FLRT1: variants seen among roughly 807,000 people sequenced by gnomAD.
FLRT1 encodes leucine-rich repeat transmembrane protein FLRT1.
FLRT1 carries 14 observed loss-of-function variants against 30.9 expected under a neutral mutation model. The observed-to-expected ratio is 0.45, with a 90% CI of 0.30 to 0.71. FLRT1 has a LOEUF of 0.71. Among genes scored for constraint, FLRT1 ranks in the 30% least tolerant of loss-of-function variants. The probability of loss-of-function intolerance (pLI) is 0.08; values close to 1 mark genes in which losing one functional copy is unlikely to be tolerated. For missense variants in FLRT1, 737 were observed against 949.2 expected (o/e 0.78, Z 2.94); for synonymous variants, 368 against 430.4 (o/e 0.85, Z 1.80).
At chr11:64,101,678 G>C (rs777964524) in intron 1 of FLRT1, among the ~76,000 whole-genome samples, 5 of 152,186 alleles carry the variant, frequency 3.3e-5, no homozygotes, top group African/African-American at 4.8e-5. Flanking sequence ...ATAAGGGCTC[G>C]TGCTAGAGCC....
chr11:64,079,345 C>A (rs929016216), intron 1 of FLRT1, among the ~76,000 whole-genome samples: 2 of 140,584 alleles, frequency 1.4e-5, no homozygotes, highest in African/African-American at 5.4e-5. Context: ...TGGGAGGTTA[C>A]GGTTAAAGGG....
intron 1 of FLRT1, among the ~76,000 whole-genome samples, chr11:64,070,532 G>T (rs1944088107): frequency 6.6e-6 from 1 of 152,204 alleles, no homozygotes; most frequent in Non-Finnish European, 1.5e-5. Context: ...CTGCCCGAGA[G>T]CAGAGCTCGA....
At chr11:64,075,940 T>G (rs951940421) in intron 1 of FLRT1, among the ~76,000 whole-genome samples, 11 of 152,224 alleles carry the variant, frequency 7.2e-5, no homozygotes, top group African/African-American at 2.7e-4. Flanking sequence ...TCCCAAAGTG[T>G]TGGGATTGCA....
intron 1 of FLRT1, among the ~76,000 whole-genome samples, chr11:64,039,350 C>T (rs1943441988): frequency 6.6e-6 from 1 of 152,184 alleles, no homozygotes; most frequent in African/African-American, 2.4e-5. Context: ...CTCTGGGAGG[C>T]CCAGGCCCCA....
chr11:64,056,280 T>C (rs1943783741), intron 1 of FLRT1, among the ~76,000 whole-genome samples: 1 of 152,006 alleles, frequency 6.6e-6, no homozygotes, highest in South Asian at 2.1e-4. Context: ...TCAGCCTGTC[T>C]CCAGGGTCCC....
chr11:64,042,627 G>T (rs1346261636), intron 1 of FLRT1, among the ~76,000 whole-genome samples: 2 of 152,126 alleles, frequency 1.3e-5, no homozygotes. Context: ...GCCCTTCCCT[G>T]CCTCACTGGG....
chr11:64,042,863 CCA>C (rs375313327), intron 1 of FLRT1, among the ~76,000 whole-genome samples: 52 of 152,332 alleles, frequency 3.4e-4, no homozygotes, highest in Middle Eastern at 3.4e-3. Flanking sequence ...GTGCCACACC[CCA>C]GTTTCCAGGG....
rs558587683 is a variant in FLRT1, at chr11:64,090,696, C to G, written c.-1037-12498C>G. 6.1e-3 allele frequency among the ~76,000 whole-genome samples: 931 copies of G among 152,210 alleles called. 5 individuals carry two copies. Among genetic ancestry groups the G allele is most frequent in the African/African-American group, 0.021 (889 of 41,530 alleles). Reference sequence around the variant, plus strand: ...ACCACTTCTCTGAGGCGGGGACGTCCCAAGACTAAAATGGGGGCAGGGGTG... The same window carrying G: ...ACCACTTCTCTGAGGCGGGGACGTCGCAAGACTAAAATGGGGGCAGGGGTG... On this transcript the variant is annotated intron_variant, in intron 1 of 2. Transcript: ENST00000682287. The surrounding 1 kb of genome is among the most constrained non-coding windows in gnomAD (Gnocchi z 4.7).
chr11:64,058,612 G>A (rs894493092), intron 1 of FLRT1, among the ~76,000 whole-genome samples: 10 of 152,250 alleles, frequency 6.6e-5, no homozygotes, highest in Non-Finnish European at 4.4e-5. Context: ...CAGCGGGCAC[G>A]GCCCTGTAAT....
At chr11:64,072,038 G>A (rs771455392) in intron 1 of FLRT1, among the ~76,000 whole-genome samples, 2 of 152,218 alleles carry the variant, frequency 1.3e-5, no homozygotes, top group Non-Finnish European at 2.9e-5. Context: ...ATTGACCGCC[G>A]CGCGCACTAA....
intron 1 of FLRT1, among the ~76,000 whole-genome samples, chr11:64,056,308 G>A (rs892150993): frequency 3.9e-5 from 6 of 152,042 alleles, no homozygotes; most frequent in South Asian, 2.1e-4. Flanking sequence ...GCCCCTACAC[G>A]TTTTGCTTCC....
Position 64,117,201 on chromosome 11 carries a change from G to A in FLRT1, c.934G>A (p.Gly312Ser), listed in dbSNP as rs777150139. 13 of 1,613,934 alleles carry A rather than the reference G, an allele frequency of 8.1e-6. No homozygotes were observed. Among genetic ancestry groups the A allele is most frequent in the Middle Eastern group, 1.6e-4 (1 of 6,078 alleles). The change falls in exon 3 of 3, where the codon GGC becomes AGC. Residue 312 changes from glycine to serine, a missense_variant. Gly to Ser is a moderately conservative substitution (Grantham distance 56, BLOSUM62 0). Transcript: ENST00000682287. Reference sequence around the variant, plus strand: ...CAACAACCTGACCACGCTGCCCCGCGGCCTGTTCGACGACCTGGGGAACCT... The same window carrying A: ...CAACAACCTGACCACGCTGCCCCGCAGCCTGTTCGACGACCTGGGGAACCT... ...SNNNLTTLPRGLFDDLGNLAQ... is the reference protein window; with the variant it reads ...SNNNLTTLPRSLFDDLGNLAQ...
chr11:64,095,955 G>A (rs968826888), intron 1 of FLRT1, among the ~76,000 whole-genome samples: 8 of 140,292 alleles, frequency 5.7e-5, no homozygotes, highest in African/African-American at 2.1e-4. Context: ...TCTCCCTGGG[G>A]AGTCTCCAGC....
chr11:64,042,866 G>T (rs1189700495), intron 1 of FLRT1, among the ~76,000 whole-genome samples: 1 of 152,102 alleles, frequency 6.6e-6, no homozygotes, highest in African/African-American at 2.4e-5. Flanking sequence ...CCACACCCCA[G>T]TTTCCAGGGG....
At chr11:64,097,311 C>G (rs1028911416) in intron 1 of FLRT1, among the ~76,000 whole-genome samples, 3 of 152,250 alleles carry the variant, frequency 2.0e-5, no homozygotes, top group Admixed American at 6.5e-5. Context: ...AACTCAGCAC[C>G]AAGGGATGGG....
chr11:64,062,937 C>T (rs1943932283), intron 1 of FLRT1, among the ~76,000 whole-genome samples: 2 of 152,222 alleles, frequency 1.3e-5, no homozygotes, highest in Admixed American at 1.3e-4. Flanking sequence ...CCTGAGCCAC[C>T]TCCGTGCTCC....
intron 1 of FLRT1, among the ~76,000 whole-genome samples, chr11:64,046,280 A>C (rs908053106): frequency 6.6e-6 from 1 of 152,212 alleles, no homozygotes; most frequent in Non-Finnish European, 1.5e-5. Context: ...CACCTCCTGC[A>C]GAACCTTCTA....
intron 2 of FLRT1, among the ~76,000 whole-genome samples, chr11:64,104,556 G>A (rs780676483): frequency 3.9e-5 from 6 of 152,156 alleles, no homozygotes; most frequent in Non-Finnish European, 5.9e-5. Context: ...GCCTTGGCGG[G>A]GTGGTGGGCA....
chr11:64,089,099 C>T (rs1944445107), intron 1 of FLRT1, among the ~76,000 whole-genome samples: 1 of 152,214 alleles, frequency 6.6e-6, no homozygotes, highest in South Asian at 2.1e-4. Context: ...TGTGGCTCCT[C>T]TGTGAACCCA....
Sources: gnomAD v4.1 joint callset for allele counts (sites outside exome capture counted in the v4.1 genomes callset) on GRCh38, gnomAD v4.1.1 for gene constraint, Gnocchi (gnomAD v3.1) non-coding constraint, MANE v1.5 for transcripts, NCBI Gene and HGNC (gene_info 2026-07-23, HGNC 2026-07-21) for gene names.